Variants in ACSM2A observed in about 807,000 individuals in gnomAD.
ACSM2A encodes the protein acyl-coenzyme A synthetase ACSM2A, mitochondrial.
ACSM2A carries 72 observed loss-of-function variants against 76.6 expected under a neutral mutation model. The ratio of observed to expected loss-of-function variants is 0.94; its 90% confidence interval spans 0.78 to 1.14. The LOEUF is 1.14. Among genes scored for constraint, ACSM2A ranks in the 50% most tolerant of loss-of-function variants. ACSM2A has a pLI of 0.00. For missense variants in ACSM2A, 684 were observed against 708.5 expected (o/e 0.97, Z 0.39); for synonymous variants, 249 against 255.9 (o/e 0.97, Z 0.26).
At chr16:20,478,150 G>T (rs1000428333) in intron 9 of ACSM2A, among the ~76,000 whole-genome samples, 2 of 152,164 alleles carry the variant, frequency 1.3e-5, no homozygotes, top group Non-Finnish European at 2.9e-5. Context: ...AAAATCCTGT[G>T]AAATAAGCTG....
chr16:20,458,805 A>G (rs1369925491), intron 1 of ACSM2A, among the ~76,000 whole-genome samples: 2 of 142,484 alleles, frequency 1.4e-5, no homozygotes, highest in African/African-American at 5.1e-5. Context: ...TATATATAAT[A>G]TATATATTAT....
chr16:20,462,188 T>C (rs943087379), intron 2 of ACSM2A, among the ~76,000 whole-genome samples: 1 of 152,176 alleles, frequency 6.6e-6, no homozygotes, highest in Non-Finnish European at 1.5e-5. Context: ...GTGTGACTTC[T>C]GGTTACATGA....
chr16:20,462,378 TGTC>T (rs2012676245), intron 2 of ACSM2A, among the ~76,000 whole-genome samples: 1 of 152,174 alleles, frequency 6.6e-6, no homozygotes, highest in Non-Finnish European at 1.5e-5. Flanking sequence ...AAGAGACTGT[TGTC>T]ATCCTTGCTT....
intron 1 of ACSM2A, chr16:20,453,317 T>C (rs1471564459): frequency 5.9e-5 from 9 of 151,688 alleles, no homozygotes; most frequent in Non-Finnish European, 1.2e-4. Context: ...ATTTCATGGA[T>C]ATTTATCACT....
chr16:20,473,792 C>G (rs2013560790), intron 6 of ACSM2A, among the ~76,000 whole-genome samples: 1 of 151,998 alleles, frequency 6.6e-6, no homozygotes. Flanking sequence ...TTATACCTCT[C>G]TGGTATTAAC....
chr16:20,464,397 G>A (rs1177775487), intron 2 of ACSM2A, among the ~76,000 whole-genome samples: 3 of 152,162 alleles, frequency 2.0e-5, no homozygotes. Context: ...TTGGCCCAAA[G>A]TTCTGCACAG....
At position 20,471,639 on chromosome 16, in the gene ACSM2A, T is replaced by C. The variant is rs1339968931; in HGVS notation, c.844T>C (p.Cys282Arg). The C allele has an allele frequency of 3.1e-6, 5 of 1,613,964 alleles. No homozygotes were observed. Among genetic ancestry groups the C allele is most frequent in the African/African-American group, 2.7e-5 (2 of 74,922 alleles). ...TATGGAACCTTGGGCATTAGGAGCA[T>C]GCACATTTGTTCATCTCTTGCCAAA... ...SLMEPWALGA[C>R]TFVHLLPKFD... is the part of the protein sequence containing the mutation. The change falls in exon 6 of 14, where the codon TGC becomes CGC. Residue 282 changes from cysteine to arginine, a missense_variant. By Grantham distance (180) the Cys-to-Arg change is radical. Coordinates refer to ENST00000573854, the MANE Select transcript of ACSM2A (RefSeq NM_001308172.2).
chr16:20,480,514 C>T, intron 10 of ACSM2A, 59 bp from the exon 11 acceptor site: 10 of 1,567,872 alleles, frequency 6.4e-6, no homozygotes, highest in East Asian at 2.2e-5. Context: ...CATGGCAGCC[C>T]CAGGGCAGGG....
In ACSM2A at chr16:20,453,843, G is replaced by A. The variant is rs552993070; in HGVS notation, c.-9+2162G>A. On this transcript the variant is annotated intron_variant, in intron 1 of 13. Coordinates refer to ENST00000573854, the MANE Select transcript of ACSM2A (RefSeq NM_001308172.2). ...GCGGTTGAGATAAGGACTGAAATAC[G>A]CCCTGGTGTCCTGCAGTACCCTCAG... 8.4e-4 allele frequency: 109 copies of A among 130,016 alleles called. 5 individuals carry two copies. Among genetic ancestry groups the A allele is most frequent in the African/African-American group, 3.2e-3 (100 of 31,638 alleles). The allele number at this position is 130,016 out of a possible 1,614,324, so 8.1% of individuals were successfully genotyped here.
intron 9 of ACSM2A, among the ~76,000 whole-genome samples, chr16:20,477,656 C>A (rs1219146374): frequency 6.6e-6 from 1 of 152,050 alleles, no homozygotes; most frequent in East Asian, 1.9e-4. Flanking sequence ...TCTTACCATC[C>A]AGAAGGACCC....
intron 1 of ACSM2A, among the ~76,000 whole-genome samples, chr16:20,458,906 A>ATGTG (rs1567356788): frequency 3.3e-5 from 1 of 30,146 alleles, no homozygotes; most frequent in African/African-American, 2.8e-4. Flanking sequence ...ATATATATGC[A>ATGTG]TATATATATA....
Position 20,480,630 on chromosome 16 carries a change from C to T in ACSM2A, c.1339C>T (p.Arg447Trp), listed in dbSNP as rs144589974. The change falls in exon 11 of 14, where the codon CGG becomes TGG. Residue 447 changes from arginine (R) to tryptophan (W), a missense_variant. Around this residue, in one of 3 missense-constraint regions of ACSM2A, gnomAD observed 519 missense variants for 549.5 expected, o/e 0.94. Coordinates refer to ENST00000573854, the MANE Select transcript of ACSM2A (RefSeq NM_001308172.2). ...IRGDFWLLGD[R>W]GIKDEDGYFQ... ...AGGAGACTTTTGGCTCCTTGGAGAC[C>T]GGGGAATCAAAGATGAAGATGGGTA... The T allele has an allele frequency of 9.0e-5, 146 of 1,613,276 alleles. 1 individual carries two copies. Among genetic ancestry groups the T allele is most frequent in the East Asian group, 4.5e-4 (20 of 44,862 alleles).
At chr16:20,456,865 T>A (rs1596638612) in intron 1 of ACSM2A, among the ~76,000 whole-genome samples, 1 of 150,728 alleles carries the variant, frequency 6.6e-6, no homozygotes, top group Admixed American at 6.6e-5. Context: ...AAAATCTGGT[T>A]CTTTGAAAAG....
intron 3 of ACSM2A, among the ~76,000 whole-genome samples, chr16:20,468,398 T>C (rs1012806286): frequency 2.6e-4 from 39 of 152,230 alleles, no homozygotes; most frequent in African/African-American, 9.2e-4. Context: ...AGACGGAGTC[T>C]CCCTCTGTAG....
At chr16:20,468,196 T>A (rs764628902) in intron 3 of ACSM2A, among the ~76,000 whole-genome samples, 1 of 152,124 alleles carries the variant, frequency 6.6e-6, no homozygotes, top group Non-Finnish European at 1.5e-5. Flanking sequence ...TCTGACTCAA[T>A]TGGCCACCAT....
chr16:20,462,813 A>G (rs1483709893), intron 2 of ACSM2A, among the ~76,000 whole-genome samples: 2 of 152,020 alleles, frequency 1.3e-5, no homozygotes, highest in African/African-American at 2.4e-5. Context: ...AGCAATTCCA[A>G]CTCTGGGTAT....
At position 20,473,761 on chromosome 16, in the gene ACSM2A, G is replaced by C. The variant is rs111620739; in HGVS notation, c.895-1601G>C. Among the ~76,000 whole-genome samples, 164 of 152,182 alleles carry C rather than the reference G, an allele frequency of 1.1e-3. 1 individual carries two copies. The highest frequency in any genetic ancestry group is 3.7e-3 in the African/African-American group (152 of 41,520). On this transcript the variant is annotated intron_variant, in intron 6 of 13. Transcript: ENST00000573854. The stretch of plus-strand genomic sequence containing the variant: ...AGACTGTTTCAGGCCATGATAGGAA[G>C]TGGGAGTGGGACATGCCTCATTATA...
Position 20,478,573 on chromosome 16 carries a change from C to G in ACSM2A, c.1180-3C>G, listed in dbSNP as rs1437402100. Reference sequence around the variant, plus strand: ...CATTCTTCCAATCTGCTTCTTTCTCCAGATCATAGATGATAAGGGCAACGT... The same window carrying G: ...CATTCTTCCAATCTGCTTCTTTCTCGAGATCATAGATGATAAGGGCAACGT... On this transcript the variant is annotated splice_polypyrimidine_tract_variant and splice_region_variant and intron_variant, in intron 9 of 13. Coordinates refer to ENST00000573854, the MANE Select transcript of ACSM2A (RefSeq NM_001308172.2). 1 of 1,612,630 alleles carries G rather than the reference C, an allele frequency of 6.2e-7. No individual in the cohort carries two copies. Among genetic ancestry groups the G allele is most frequent in the Non-Finnish European group, 8.5e-7 (1 of 1,179,046 alleles).
Position 20,471,072 on chromosome 16 carries a change from G to C in ACSM2A, c.597-1G>C, listed in dbSNP as rs1482901435. The C allele has an allele frequency of 1.9e-6, 3 of 1,613,316 alleles. No individual in the cohort carries two copies. The highest frequency in any genetic ancestry group is 2.5e-6 in the Non-Finnish European group (3 of 1,179,526). On this transcript the variant is annotated splice_acceptor_variant, in intron 4 of 13. Transcript: ENST00000573854. LOFTEE classifies it high-confidence loss of function. ...AAAATGACAATCTGTGTCTCTGTCA[G>C]TGAGGCATCCACCACTCATCACTGT...
Sources: allele counts gnomAD v4.1 joint callset (sites outside exome capture counted in the v4.1 genomes callset), GRCh38; gene constraint gnomAD v4.1.1; regional missense constraint gnomAD v4.1.1; transcripts MANE v1.5; gene names NCBI Gene and HGNC (gene_info 2026-07-23, HGNC 2026-07-21).